Variants in ERBB4 observed in about 807,000 individuals in gnomAD.
ERBB4 encodes receptor tyrosine-protein kinase erbB-4.
Under a neutral mutation model 158.0 loss-of-function variants are expected in ERBB4, and 42 were observed. The ratio of observed to expected loss-of-function variants is 0.27; its 90% confidence interval spans 0.21 to 0.34. The LOEUF is 0.34. Among genes scored for constraint, ERBB4 ranks in the 10% least tolerant of loss-of-function variants. The pLI is 1.00. For missense variants in ERBB4, 1,333 were observed against 1,624.1 expected (o/e 0.82, Z 3.08); for synonymous variants, 583 against 558.7 (o/e 1.04, Z -0.61).
chr2:211,874,946 A>ACAATATGT (rs1456331400), intron 3 of ERBB4, among the ~76,000 whole-genome samples: 1 of 150,652 alleles, frequency 6.6e-6, no homozygotes, highest in Non-Finnish European at 1.5e-5. Flanking sequence ...TCAAAGACAC[A>ACAATATGT]CAATATGTGC....
rs575360203 is a variant in ERBB4, at chr2:211,420,790, A to AATG, written c.2965-182_2965-180dup. Among the ~76,000 whole-genome samples, 3 of 152,166 alleles carry AATG rather than the reference A, an allele frequency of 2.0e-5. No homozygotes were observed. The South Asian group carries it at 6.2e-4, about 31-fold the overall frequency. On this transcript the variant is annotated intron_variant, in intron 24 of 27. Transcript: ENST00000342788. ...TTAAGAAACCTATAACATGCTTAGA[A>AATG]ATGATAGGGCCAGGTAAACAAACTT...
chr2:212,333,955 C>T (rs893267568), intron 1 of ERBB4, among the ~76,000 whole-genome samples: 1 of 152,060 alleles, frequency 6.6e-6, no homozygotes, highest in Non-Finnish European at 1.5e-5. Context: ...TGTACCTTAA[C>T]ATTACAAGCA....
intron 4 of ERBB4, among the ~76,000 whole-genome samples, chr2:211,761,876 G>A (rs1166716824): frequency 6.6e-6 from 1 of 152,172 alleles, no homozygotes; most frequent in Non-Finnish European, 1.5e-5. Context: ...GTAAAGTGTG[G>A]AAAACCCCAG....
intron 1 of ERBB4, among the ~76,000 whole-genome samples, chr2:212,451,451 G>A (rs1417481485): frequency 6.6e-6 from 1 of 152,074 alleles, no homozygotes; most frequent in Non-Finnish European, 1.5e-5. Flanking sequence ...CTATGTAAGG[G>A]CCTCTTTATA....
chr2:212,107,472 C>T (rs2079266174), intron 2 of ERBB4, among the ~76,000 whole-genome samples: 1 of 151,974 alleles, frequency 6.6e-6, no homozygotes, highest in Non-Finnish European at 1.5e-5. Flanking sequence ...AAGTAACTAA[C>T]TTGCTTTTGA....
chr2:212,388,339 G>C lies in ERBB4; in HGVS notation c.82+150110C>G, dbSNP rs1351542493. 1.3e-5 allele frequency among the ~76,000 whole-genome samples: 2 copies of C among 152,058 alleles called. 1 individual carries two copies. Among genetic ancestry groups the C allele is most frequent in the Non-Finnish European group, 2.9e-5 (2 of 68,004 alleles). On this transcript the variant is annotated intron_variant, in intron 1 of 27. Coordinates refer to ENST00000342788, the MANE Select transcript of ERBB4 (RefSeq NM_005235.3). ...CTTCCTAAAGCATTTTATTTGAAGT[G>C]GTCAGAATAGGACAAAGCATATGCT...
intron 3 of ERBB4, among the ~76,000 whole-genome samples, chr2:211,918,065 G>T (rs1559098130): frequency 6.6e-6 from 1 of 152,136 alleles, no homozygotes; most frequent in Non-Finnish European, 1.5e-5. Flanking sequence ...GAAGCCAGTG[G>T]CTGGATTGAA....
intron 9 of ERBB4, among the ~76,000 whole-genome samples, chr2:211,705,910 T>C (rs1033093546): frequency 1.3e-5 from 2 of 152,172 alleles, no homozygotes; most frequent in Non-Finnish European, 2.9e-5. Flanking sequence ...ATTTTCATAA[T>C]ATTTATAACA....
chr2:211,907,961 G>A (rs942076450), intron 3 of ERBB4, among the ~76,000 whole-genome samples: 5 of 151,570 alleles, frequency 3.3e-5, no homozygotes, highest in African/African-American at 4.8e-5. Context: ...TTGCACACAC[G>A]GGCTACTGAG....
At chr2:212,127,230 T>C (rs1033120471) in intron 1 of ERBB4, among the ~76,000 whole-genome samples, 1 of 152,238 alleles carries the variant, frequency 6.6e-6, no homozygotes, top group Non-Finnish European at 1.5e-5. Context: ...AACCTGAAGC[T>C]ATCAGGCCAC....
chr2:212,027,021 A>G (rs1416805993), intron 2 of ERBB4, among the ~76,000 whole-genome samples: 1 of 151,912 alleles, frequency 6.6e-6, no homozygotes, highest in Non-Finnish European at 1.5e-5. Flanking sequence ...TAATATTTGT[A>G]TTTGCAAATT....
In ERBB4 at chr2:211,657,769, A is replaced by G. The variant is rs1389784744; in HGVS notation, c.1931T>C (p.Leu644Ser). The stretch of plus-strand genomic sequence containing the variant: ...TAGATGTTACCTAGCATGTTGTGGT[A>G]AAGTGGAATGGCCCGTCCATGGGTA... ...IYYPWTGHSTLPQHARTPLIA... is the reference protein window; with the variant it reads ...IYYPWTGHSTSPQHARTPLIA... The change falls in exon 16 of 28, where the codon TTA becomes TCA. Residue 644 changes from leucine to serine, a missense_variant. Around this residue, in one of 5 missense-constraint regions of ERBB4, gnomAD observed 245 missense variants for 247.5 expected, o/e 0.99. Coordinates refer to ENST00000342788, the MANE Select transcript of ERBB4 (RefSeq NM_005235.3). The G allele has an allele frequency of 6.2e-7, 1 of 1,613,642 alleles. No individual in the cohort carries two copies. The highest frequency in any genetic ancestry group is 1.7e-4 in the Middle Eastern group (1 of 6,058).
chr2:212,215,211 C>T (rs1036493659), intron 1 of ERBB4, among the ~76,000 whole-genome samples: 1 of 151,446 alleles, frequency 6.6e-6, no homozygotes, highest in African/African-American at 2.4e-5. Flanking sequence ...AGGATTTGAA[C>T]AATCTTCTGT....
At chr2:212,340,665 G>A (rs563943158) in intron 1 of ERBB4, among the ~76,000 whole-genome samples, 81 of 152,274 alleles carry the variant, frequency 5.3e-4, no homozygotes, top group African/African-American at 1.9e-3. Flanking sequence ...TGTCCAGGCT[G>A]GTCCCAGGTA....
At chr2:211,796,584 C>T (rs1030362555) in intron 3 of ERBB4, among the ~76,000 whole-genome samples, 1 of 151,802 alleles carries the variant, frequency 6.6e-6, no homozygotes, top group Non-Finnish European at 1.5e-5. Context: ...GCTTCTTGAC[C>T]TTGTCAAGTC....
At chr2:211,601,810 T>G (rs2068808945) in intron 19 of ERBB4, among the ~76,000 whole-genome samples, 2 of 143,492 alleles carry the variant, frequency 1.4e-5, no homozygotes, top group African/African-American at 5.2e-5. Context: ...AGAAGGGAGG[T>G]GGGATGGAGG....
chr2:211,412,266 A>G (rs148017997), intron 25 of ERBB4, among the ~76,000 whole-genome samples: 2,249 of 152,308 alleles, frequency 0.015, 47 homozygotes, highest in African/African-American at 0.051. Context: ...AATATTACAA[A>G]AAGTAGAAAT....
intron 18 of ERBB4, among the ~76,000 whole-genome samples, chr2:211,622,908 A>G (rs1373804261): frequency 7.5e-6 from 1 of 134,090 alleles, no homozygotes; most frequent in Admixed American, 8.0e-5. Context: ...GGTTGCAGTG[A>G]GTGGAGATCA....
At chr2:211,792,798 C>T (rs990561849) in intron 3 of ERBB4, among the ~76,000 whole-genome samples, 8 of 151,860 alleles carry the variant, frequency 5.3e-5, no homozygotes, top group Admixed American at 5.3e-4. Flanking sequence ...CCATGTCTTT[C>T]CTTGATTTCC....
Sources: gnomAD v4.1 joint callset for allele counts (sites outside exome capture counted in the v4.1 genomes callset) on GRCh38, gnomAD v4.1.1 for gene constraint, gnomAD v4.1.1 regional missense constraint, MANE v1.5 for transcripts, NCBI Gene and HGNC (gene_info 2026-07-23, HGNC 2026-07-21) for gene names.